CLASP2: variants seen among roughly 807,000 people sequenced by gnomAD.
CLASP2 encodes the protein CLIP-associating protein 2.
Under a neutral mutation model 194.4 loss-of-function variants are expected in CLASP2, and 47 were observed. That is an observed-to-expected ratio of 0.24 (90% CI 0.19 to 0.31). The LOEUF is 0.31. CLASP2 is among the 10% of genes least tolerant of loss of function. CLASP2 has a pLI of 1.00. For missense variants in CLASP2, 1,445 were observed against 1,823.6 expected (o/e 0.79, Z 3.78); for synonymous variants, 619 against 633.5 (o/e 0.98, Z 0.34).
At chr3:33,608,692 T>A in intron 13 of CLASP2, 66 bp from the exon 14 acceptor site, 2 of 994,458 alleles carry the variant, frequency 2.0e-6, no homozygotes, top group Non-Finnish European at 1.5e-6. Context: ...CTTTCTTTTA[T>A]ACTACTACAC....
intron 25 of CLASP2, among the ~76,000 whole-genome samples, chr3:33,571,158 C>A (rs1254083010): frequency 1.3e-5 from 2 of 151,468 alleles, no homozygotes; most frequent in African/African-American, 4.8e-5. Context: ...GGAGTACAGG[C>A]GCCCGCCACC....
chr3:33,532,256 G>C (rs1199383598), intron 34 of CLASP2, among the ~76,000 whole-genome samples: 1 of 152,162 alleles, frequency 6.6e-6, no homozygotes, highest in Non-Finnish European at 1.5e-5. Flanking sequence ...CACGCTAAAT[G>C]AAATAAGCCA....
Position 33,602,552 on chromosome 3 carries a change from C to CT in CLASP2, c.1924+399dup, listed in dbSNP as rs1166375658. The CT allele has an allele frequency of 3.9e-6, 3 of 763,172 alleles. No individual in the cohort carries two copies. In the South Asian group the frequency reaches 4.1e-5, roughly 10 times the overall value. The allele number at this position is 763,172 out of a possible 1,614,324, so 47.3% of individuals were successfully genotyped here. On this transcript the variant is annotated intron_variant, in intron 18 of 38. Transcript: ENST00000682230. ...TAGGGTTTGGTTAGACAGAGTAGAG[C>CT]TTTGCAGTTCTCCCAGATCTCCAAA... is the stretch of plus-strand genomic sequence containing the variant.
intron 34 of CLASP2, among the ~76,000 whole-genome samples, chr3:33,534,462 G>A (rs1471938970): frequency 6.6e-6 from 1 of 152,126 alleles, no homozygotes; most frequent in Non-Finnish European, 1.5e-5. Flanking sequence ...AGCTACTCAG[G>A]AGGCTGAGGT....
At chr3:33,500,485 T>C (rs1052562373) in intron 38 of CLASP2, among the ~76,000 whole-genome samples, 1 of 152,226 alleles carries the variant, frequency 6.6e-6, no homozygotes, top group African/African-American at 2.4e-5. Flanking sequence ...CCAAGAGTTT[T>C]TAACCTGCTA....
chr3:33,541,530 A>G (rs1195691417), intron 32 of CLASP2, among the ~76,000 whole-genome samples: 1 of 151,822 alleles, frequency 6.6e-6, no homozygotes. Context: ...GTTCCCCTCT[A>G]TGTGTTCATG....
chr3:33,714,892 A>T (rs183803942), intron 1 of CLASP2, among the ~76,000 whole-genome samples: 2 of 152,118 alleles, frequency 1.3e-5, no homozygotes, highest in Admixed American at 1.3e-4. Context: ...CCATATTTAG[A>T]ATAAAATCCT....
At chr3:33,685,552 C>A (rs2090555372) in intron 5 of CLASP2, among the ~76,000 whole-genome samples, 1 of 151,872 alleles carries the variant, frequency 6.6e-6, no homozygotes, top group Admixed American at 6.6e-5. Flanking sequence ...GTGGAAACAA[C>A]CAAAATGTCC....
intron 34 of CLASP2, among the ~76,000 whole-genome samples, chr3:33,529,984 CAAAAAAAAA>C (rs1169927619): frequency 1.6e-4 from 5 of 32,240 alleles, no homozygotes; most frequent in Admixed American, 4.7e-4. Context: ...GACTCCGTCT[CAAAAAAAAA>C]AAAAAAAAAA....
intron 26 of CLASP2, among the ~76,000 whole-genome samples, chr3:33,567,003 A>C (rs767998789): frequency 1.3e-5 from 2 of 151,898 alleles, no homozygotes; most frequent in African/African-American, 2.4e-5. Flanking sequence ...AAAGACAAAA[A>C]CTCTTTTTTT....
chr3:33,602,076 C>T (rs554001346), intron 18 of CLASP2, among the ~76,000 whole-genome samples: 7 of 150,398 alleles, frequency 4.7e-5, no homozygotes, highest in East Asian at 2.0e-4. Context: ...TGCAATGGCA[C>T]GATTTTGGCT....
intron 6 of CLASP2, among the ~76,000 whole-genome samples, chr3:33,675,013 G>A (rs1266591891): frequency 6.6e-6 from 1 of 152,218 alleles, no homozygotes; most frequent in East Asian, 1.9e-4. Flanking sequence ...GAGGTACAAG[G>A]AGGAGCTGGT....
chr3:33,706,247 C>CA (rs1487837402), intron 1 of CLASP2, among the ~76,000 whole-genome samples: 11 of 151,706 alleles, frequency 7.3e-5, no homozygotes, highest in African/African-American at 2.7e-4. Flanking sequence ...GATCCTCTCC[C>CA]AAAAAACACA....
intron 1 of CLASP2, among the ~76,000 whole-genome samples, chr3:33,697,318 A>G (rs2092010685): frequency 6.6e-6 from 1 of 152,234 alleles, no homozygotes; most frequent in Non-Finnish European, 1.5e-5. Context: ...TTACACCTAG[A>G]CAGTATAGCC....
intron 2 of CLASP2, among the ~76,000 whole-genome samples, chr3:33,695,853 T>C (rs2091838956): frequency 6.6e-6 from 1 of 152,180 alleles, no homozygotes; most frequent in African/African-American, 2.4e-5. Flanking sequence ...ATAATGCTGC[T>C]ATATAATAGG....
intron 9 of CLASP2, among the ~76,000 whole-genome samples, chr3:33,631,448 C>T (rs2079064672): frequency 6.6e-6 from 1 of 152,172 alleles, no homozygotes; most frequent in African/African-American, 2.4e-5. Flanking sequence ...GTAACCCCAG[C>T]ACTTTGGGAG....
chr3:33,658,365 A>C (rs900660234), intron 7 of CLASP2, among the ~76,000 whole-genome samples: 1 of 152,136 alleles, frequency 6.6e-6, no homozygotes, highest in African/African-American at 2.4e-5. Flanking sequence ...TATAGAAATA[A>C]TGTGTTTTTA....
chr3:33,671,448 T>C (rs1248930739), intron 6 of CLASP2, among the ~76,000 whole-genome samples: 2 of 152,098 alleles, frequency 1.3e-5, no homozygotes, highest in Non-Finnish European at 2.9e-5. Flanking sequence ...TTTAAAACTA[T>C]GACTAAGGAG....
chr3:33,616,177 GAA>G (rs903509699), intron 12 of CLASP2, among the ~76,000 whole-genome samples: 21 of 151,986 alleles, frequency 1.4e-4, no homozygotes, highest in African/African-American at 4.6e-4. Flanking sequence ...ATTCTAAAAA[GAA>G]AAAGTCAGCT....
Sources: allele counts gnomAD v4.1 joint callset (sites outside exome capture counted in the v4.1 genomes callset), GRCh38; gene constraint gnomAD v4.1.1; transcripts MANE v1.5; gene names NCBI Gene and HGNC (gene_info 2026-07-23, HGNC 2026-07-21).